The following DPY19L1 variants were observed in gnomAD, a reference collection of about 807,000 sequenced individuals.
DPY19L1 encodes the protein dpy-19 like C-mannosyltransferase 1, also known as protein C-mannosyl-transferase DPY19L1.
Under a neutral mutation model 96.9 loss-of-function variants are expected in DPY19L1, and 35 were observed. The ratio of observed to expected loss-of-function variants is 0.36; its 90% CI spans 0.28 to 0.48. DPY19L1 has a LOEUF of 0.48. Among genes scored for constraint, DPY19L1 ranks in the 20% least tolerant of loss-of-function variants. DPY19L1 has a pLI of 0.99. For synonymous variants in DPY19L1, 205 were observed against 252.6 expected, an observed-to-expected ratio of 0.81 and a Z score of 1.79; for missense variants, 521 against 777.9, an observed-to-expected ratio of 0.67 and a Z score of 3.93.
At chr7:34,942,695 AT>A (rs1784048973) in intron 16 of DPY19L1, 56 bp from the exon 17 acceptor site, 36 of 1,453,918 alleles carry the variant, frequency 2.5e-5, no homozygotes, top group Non-Finnish European at 3.2e-5. Context: ...CTTACGTCAT[AT>A]ATTTGCATTT....
chr7:34,976,115 T>G (rs1784825383), intron 7 of DPY19L1, among the ~76,000 whole-genome samples: 1 of 152,236 alleles, frequency 6.6e-6, no homozygotes, highest in Non-Finnish European at 1.5e-5. Flanking sequence ...GCTGCTATAG[T>G]GATTCCTCTG....
chr7:34,997,297 CAA>C (rs896530528), intron 6 of DPY19L1, among the ~76,000 whole-genome samples: 13 of 130,594 alleles, frequency 1.0e-4, no homozygotes, highest in Non-Finnish European at 1.2e-4. Flanking sequence ...AATATTAATT[CAA>C]AAAAAAAAAA....
chr7:35,024,002 A>T (rs1269862699), intron 1 of DPY19L1, among the ~76,000 whole-genome samples: 1 of 151,252 alleles, frequency 6.6e-6, no homozygotes, highest in Non-Finnish European at 1.5e-5. Context: ...CACCCGGCTA[A>T]TTTTTTGTAT....
intron 10 of DPY19L1, among the ~76,000 whole-genome samples, chr7:34,958,846 A>T (rs1331764911): frequency 1.3e-5 from 2 of 152,246 alleles, no homozygotes; most frequent in African/African-American, 4.8e-5. Flanking sequence ...TAGATGAGAC[A>T]CAGCACCTTT....
At chr7:34,934,060 T>C (rs1180840319) in intron 21 of DPY19L1, among the ~76,000 whole-genome samples, 1 of 152,152 alleles carries the variant, frequency 6.6e-6, no homozygotes, top group East Asian at 1.9e-4. Context: ...ACCTCCCAGG[T>C]TCACGTCATT....
chr7:34,994,269 A>G (rs1785235524), intron 6 of DPY19L1, among the ~76,000 whole-genome samples: 1 of 152,120 alleles, frequency 6.6e-6, no homozygotes, highest in Non-Finnish European at 1.5e-5. Context: ...CTATACAGAG[A>G]TTACACATCA....
intron 1 of DPY19L1, among the ~76,000 whole-genome samples, chr7:35,023,833 C>CTTTTTTTTTTTTTTTTTT (rs755619806): frequency 4.5e-5 from 5 of 111,810 alleles, no homozygotes; most frequent in Admixed American, 1.0e-4. Flanking sequence ...CTTTTCTTTT[C>CTTTTTTTTTTTTTTTTTT]TTTTTTTTTT....
Position 34,939,192 on chromosome 7 carries a change from T to C in DPY19L1, c.1964+84A>G, listed in dbSNP as rs934808266. ...CAGTTCATCATATCCTTTTGAAACA[T>C]TCCTTATTACTTTGCTGGTGTCCTC... On this transcript the variant is annotated intron_variant, in intron 20 of 21. Coordinates refer to ENST00000638088, the MANE Select transcript of DPY19L1 (RefSeq NM_001366673.1). 2.3e-5 allele frequency: 28 copies of C among 1,219,596 alleles called. No individual in the cohort carries two copies. The African/African-American group carries it at 4.0e-4, about 17-fold the overall frequency. 75.5% of individuals were successfully genotyped at this position (1,219,596 alleles called of 1,614,324 possible). A position where few individuals can be genotyped will look rare whatever the true frequency, so the allele number is the denominator to read the frequency against.
intron 21 of DPY19L1, among the ~76,000 whole-genome samples, chr7:34,935,000 G>C (rs1481237829): frequency 6.6e-6 from 1 of 152,188 alleles, no homozygotes; most frequent in Non-Finnish European, 1.5e-5. Flanking sequence ...GCCAGTGAGT[G>C]TTCCCATGAA....
rs77743502 is a variant in DPY19L1, at chr7:34,957,859, G to A, written c.1179+125C>T. 1.3e-3 allele frequency: 798 copies of A among 609,684 alleles called. 1 individual carries two copies. Among genetic ancestry groups the A allele is most frequent in the Non-Finnish European group, 2.1e-3 (730 of 350,502 alleles). The allele number at this position is 609,684 out of a possible 1,614,324, so 37.8% of individuals were successfully genotyped here. On this transcript the variant is annotated intron_variant, in intron 11 of 21. Coordinates refer to ENST00000638088, the MANE Select transcript of DPY19L1 (RefSeq NM_001366673.1). ...TGAGTACTTGAACACCATACATCTA[G>A]AATATTCAGTAAGACACTTAAGATG... is the stretch of plus-strand genomic sequence containing the variant.
At chr7:35,014,560 G>T (rs1235509808) in intron 3 of DPY19L1, among the ~76,000 whole-genome samples, 1 of 152,074 alleles carries the variant, frequency 6.6e-6, no homozygotes, top group African/African-American at 2.4e-5. Flanking sequence ...GTTTAAACTG[G>T]GTTTAAGACT....
chr7:34,969,964 T>G (rs1049242540), intron 8 of DPY19L1, among the ~76,000 whole-genome samples: 5 of 152,256 alleles, frequency 3.3e-5, no homozygotes, highest in African/African-American at 1.2e-4. Context: ...TGAGAGAGAT[T>G]TTGTAAGCAT....
chr7:35,016,995 G>GT (rs893449448), intron 3 of DPY19L1, among the ~76,000 whole-genome samples: 5 of 148,754 alleles, frequency 3.4e-5, no homozygotes, highest in African/African-American at 1.2e-4. Context: ...CACATCAACT[G>GT]TTTTTTTGTT....
chr7:35,024,255 T>G (rs1786070256), intron 1 of DPY19L1, among the ~76,000 whole-genome samples: 1 of 152,202 alleles, frequency 6.6e-6, no homozygotes, highest in Non-Finnish European at 1.5e-5. Flanking sequence ...CTAAAGACTT[T>G]TGGCATTACT....
At chr7:34,991,614 AT>A (rs975604538) in intron 6 of DPY19L1, among the ~76,000 whole-genome samples, 1 of 152,202 alleles carries the variant, frequency 6.6e-6, no homozygotes, top group Non-Finnish European at 1.5e-5. Context: ...AAATAAATAC[AT>A]TTTAGTGTTT....
chr7:34,946,748 T>C (rs1357291190), intron 15 of DPY19L1, among the ~76,000 whole-genome samples: 1 of 152,208 alleles, frequency 6.6e-6, no homozygotes, highest in Non-Finnish European at 1.5e-5. Context: ...ACTCTTCCCT[T>C]GCTTTTAAGT....
intron 8 of DPY19L1, among the ~76,000 whole-genome samples, chr7:34,970,972 A>G (rs779026255): frequency 6.6e-6 from 1 of 152,192 alleles, no homozygotes; most frequent in Non-Finnish European, 1.5e-5. Context: ...TTGTTAAAAC[A>G]TACCACTAAC....
At chr7:34,959,948 A>G (rs1334381707) in intron 10 of DPY19L1, among the ~76,000 whole-genome samples, 2 of 133,096 alleles carry the variant, frequency 1.5e-5, no homozygotes, top group South Asian at 4.6e-4. Flanking sequence ...TATATATATA[A>G]AAGAACCTAG....
intron 7 of DPY19L1, among the ~76,000 whole-genome samples, chr7:34,982,724 T>A (rs1334612884): frequency 6.6e-6 from 1 of 152,126 alleles, no homozygotes; most frequent in Non-Finnish European, 1.5e-5. Context: ...CTGAAAAAGG[T>A]ACAAACACAA....
Sources: gnomAD v4.1 joint callset for allele counts (sites outside exome capture counted in the v4.1 genomes callset) on GRCh38, gnomAD v4.1.1 for gene constraint, MANE v1.5 for transcripts, NCBI Gene and HGNC (gene_info 2026-07-23, HGNC 2026-07-21) for gene names.